PLD5: variants seen among roughly 807,000 people sequenced by gnomAD.
The protein encoded by PLD5 is phospholipase D family member 5, also known as inactive phospholipase D5.
Under a neutral mutation model 61.1 loss-of-function variants are expected in PLD5, and 36 were observed. The ratio of observed to expected loss-of-function variants is 0.59; its 90% CI spans 0.45 to 0.78. PLD5 has a LOEUF of 0.78. Ranked by LOEUF, PLD5 falls within the 30% of genes least tolerant of loss-of-function variation. The pLI, the probability that PLD5 is intolerant of heterozygous loss-of-function variation, is 0.00. For missense variants in PLD5, 515 were observed against 644.4 expected, an observed-to-expected ratio of 0.80 and a Z score of 2.17; for synonymous variants, 243 against 242.8, an observed-to-expected ratio of 1.00 and a Z score of -0.01.
At chr1:242,139,416 C>G (rs1663993691) in intron 5 of PLD5, among the ~76,000 whole-genome samples, 1 of 152,078 alleles carries the variant, frequency 6.6e-6, no homozygotes, top group African/African-American at 2.4e-5. Context: ...GCATTTCACA[C>G]CCCATGGCAG....
At chr1:242,326,866 CT>C (rs1658822818) in intron 2 of PLD5, among the ~76,000 whole-genome samples, 1 of 151,162 alleles carries the variant, frequency 6.6e-6, no homozygotes, top group Non-Finnish European at 1.5e-5. Flanking sequence ...GTTACCACAT[CT>C]GCCTTTTTTT....
chr1:242,366,031 A>G (rs975869157), intron 1 of PLD5, among the ~76,000 whole-genome samples: 2 of 152,216 alleles, frequency 1.3e-5, no homozygotes, highest in South Asian at 4.1e-4. Flanking sequence ...AATAATGCCA[A>G]TTCTATTCAA....
intron 8 of PLD5, among the ~76,000 whole-genome samples, chr1:242,101,169 A>G (rs1660656925): frequency 6.6e-6 from 1 of 152,186 alleles, no homozygotes; most frequent in Non-Finnish European, 1.5e-5. Context: ...GTATTCTTAC[A>G]TGTTGCATAC....
At position 242,326,658 on chromosome 1, in the gene PLD5, T is replaced by G. The variant is rs539899764; in HGVS notation, c.326+21448A>C. On this transcript the variant is annotated intron_variant, in intron 2 of 9. Coordinates refer to ENST00000536534, the MANE Select transcript of PLD5 (RefSeq NM_001372062.1). ...AGATCTTGATATTTTCCTTATATTC[T>G]CTTTTGGTTATTAGCTTTTTCTTTC... 3.9e-5 allele frequency among the ~76,000 whole-genome samples: 6 copies of G among 152,244 alleles called. No homozygotes were observed. The South Asian group carries it at 1.0e-3, about 26-fold the overall frequency.
Position 242,343,603 on chromosome 1 carries a change from T to C in PLD5, c.326+4503A>G, listed in dbSNP as rs1229275121. On this transcript the variant is annotated intron_variant, in intron 2 of 9. Coordinates refer to ENST00000536534, the MANE Select transcript of PLD5 (RefSeq NM_001372062.1). The stretch of plus-strand genomic sequence containing the variant: ...TTCTCCAAAAAGCCCTCACCTCTTT[T>C]ACCAGGGACATGACTGCCTGGAGGA... Among the ~76,000 whole-genome samples, 13 of 151,308 alleles carry C rather than the reference T, an allele frequency of 8.6e-5. No homozygotes were observed. The East Asian group carries it at 2.0e-3, about 23-fold the overall frequency.
At chr1:242,520,587 G>C (rs1669249664) in intron 1 of PLD5, among the ~76,000 whole-genome samples, 1 of 152,100 alleles carries the variant, frequency 6.6e-6, no homozygotes, top group Non-Finnish European at 1.5e-5. Context: ...AGAAAATAAG[G>C]CATCTCCATC....
At chr1:242,248,587 T>C (rs1672524524) in intron 4 of PLD5, among the ~76,000 whole-genome samples, 1 of 151,996 alleles carries the variant, frequency 6.6e-6, no homozygotes, top group African/African-American at 2.4e-5. Context: ...CCTTTTTGCC[T>C]TTAAAAGCCT....
At chr1:242,367,859 T>C (rs1661428896) in intron 1 of PLD5, among the ~76,000 whole-genome samples, 1 of 152,154 alleles carries the variant, frequency 6.6e-6, no homozygotes, top group Admixed American at 6.6e-5. Flanking sequence ...AAGAGATTAT[T>C]ATGAAAAGGT....
Position 242,107,821 on chromosome 1 carries a change from C to T in PLD5, c.1089G>A (p.Leu363=). The T allele has an allele frequency of 6.3e-7, 1 of 1,596,656 alleles. No individual in the cohort carries two copies. The highest frequency in any genetic ancestry group is 8.5e-7 in the Non-Finnish European group (1 of 1,175,250). ...CTAATGCTTCTCTTATTTTTGCATC[C>T]AAGTCTGGCCAGTAAGTCCTGCAGA... ...TSTKRTYWPD[L]DAKIREALVL... is the part of the protein sequence containing the mutation. Residue 363 remains leucine (L), a synonymous_variant, in exon 8 of 10, where the codon TTG becomes TTA. Coordinates refer to ENST00000536534, the MANE Select transcript of PLD5 (RefSeq NM_001372062.1).
chr1:242,286,771 T>C (rs932895264), intron 3 of PLD5, among the ~76,000 whole-genome samples: 1 of 152,220 alleles, frequency 6.6e-6, no homozygotes. Flanking sequence ...CCTGCTAATC[T>C]GCCTGGTGTC....
intron 1 of PLD5, among the ~76,000 whole-genome samples, chr1:242,481,873 C>T (rs544816186): frequency 2.0e-5 from 3 of 152,280 alleles, no homozygotes; most frequent in East Asian, 1.9e-4. Context: ...TCCAGAGGAA[C>T]GATCAGGCAG....
chr1:242,212,058 G>A (rs779190208), intron 5 of PLD5, among the ~76,000 whole-genome samples: 1 of 152,136 alleles, frequency 6.6e-6, no homozygotes, highest in Non-Finnish European at 1.5e-5. Flanking sequence ...TTAATGCTAT[G>A]GGCCTTAGTT....
chr1:242,155,958 T>A (rs1450237063), intron 5 of PLD5, among the ~76,000 whole-genome samples: 2 of 152,202 alleles, frequency 1.3e-5, no homozygotes, highest in Non-Finnish European at 2.9e-5. Flanking sequence ...GATGTTAAAG[T>A]TTCCCACTAT....
At chr1:242,336,926 A>C (rs10926688) in intron 2 of PLD5, among the ~76,000 whole-genome samples, 4 of 152,108 alleles carry the variant, frequency 2.6e-5, no homozygotes, top group African/African-American at 9.7e-5. Context: ...CAAGTTACAC[A>C]CTATCATCCA....
rs370268246 is a variant in PLD5, at chr1:242,349,003, A to G, written c.190-761T>C. Among the ~76,000 whole-genome samples, 303 of 152,262 alleles carry G rather than the reference A, an allele frequency of 2.0e-3. 3 individuals are homozygous for G. In the Middle Eastern group the frequency reaches 0.037, roughly 19 times the overall value. On this transcript the variant is annotated intron_variant, in intron 1 of 9. Transcript: ENST00000536534. ...TGGGAGGCGGAGCTTGCAGTGAGCC[A>G]AGATCGCACCACTGCACTCCAGCCT...
At position 242,350,962 on chromosome 1, in the gene PLD5, C is replaced by T. The variant is rs184318600; in HGVS notation, c.190-2720G>A. ...TGTTGCCCAGGCTGGAGTGCAATGG[C>T]GTGATCACCGCTCACCGCAACCTCT... On this transcript the variant is annotated intron_variant, in intron 1 of 9. Transcript: ENST00000536534. Among the ~76,000 whole-genome samples the T allele has an allele frequency of 1.5e-4, 22 of 150,056 alleles. 1 individual carries two copies. The highest frequency in any genetic ancestry group is 9.4e-4 in the Admixed American group (14 of 14,922).
chr1:242,182,917 A>T (rs929133345), intron 5 of PLD5, among the ~76,000 whole-genome samples: 1 of 152,228 alleles, frequency 6.6e-6, no homozygotes, highest in African/African-American at 2.4e-5. Flanking sequence ...GGAATGGTGG[A>T]GGTTTGAGTT....
chr1:242,506,929 C>T (rs944438567), intron 1 of PLD5, among the ~76,000 whole-genome samples: 4 of 152,150 alleles, frequency 2.6e-5, no homozygotes, highest in African/African-American at 4.8e-5. Context: ...AGGACAGCAA[C>T]GCGGTACTAA....
chr1:242,526,714 T>G (rs560763151), upstream of PLD5, among the ~76,000 whole-genome samples: 3 of 152,158 alleles, frequency 2.0e-5, no homozygotes, highest in East Asian at 3.9e-4. Context: ...ACGATCTGAT[T>G]TTTTTATTAT....
Sources: gnomAD v4.1 joint callset for allele counts (sites outside exome capture counted in the v4.1 genomes callset) on GRCh38, gnomAD v4.1.1 for gene constraint, MANE v1.5 for transcripts, NCBI Gene and HGNC (gene_info 2026-07-23, HGNC 2026-07-21) for gene names.